TDG: variants seen among roughly 807,000 people sequenced by gnomAD.
The protein encoded by TDG is G/T mismatch-specific thymine DNA glycosylase.
Under a neutral mutation model 46.1 loss-of-function variants are expected in TDG, and 23 were observed. That is an observed-to-expected ratio of 0.50 (90% CI 0.36 to 0.71). The LOEUF is 0.71. TDG is among the 30% of genes least tolerant of loss of function. TDG has a pLI of 0.00. For missense variants in TDG, 304 were observed against 486.7 expected (o/e 0.62, Z 3.53); for synonymous variants, 115 against 161.3 (o/e 0.71, Z 2.18).
intron 1 of TDG, among the ~76,000 whole-genome samples, chr12:103,973,293 C>T (rs757418076): frequency 3.9e-5 from 6 of 152,030 alleles, no homozygotes; most frequent in African/African-American, 1.2e-4. Flanking sequence ...GCATGTTGGT[C>T]GGGCTGGTCT....
At chr12:103,981,646 A>G (rs1348783521) in intron 4 of TDG, among the ~76,000 whole-genome samples, 2 of 152,164 alleles carry the variant, frequency 1.3e-5, no homozygotes, top group Admixed American at 1.3e-4. Context: ...ACTTTCCCAG[A>G]TTTCTGGTGA....
intron 1 of TDG, chr12:103,973,075 A>G (rs1436097582): frequency 1.5e-6 from 1 of 646,232 alleles, no homozygotes; most frequent in East Asian, 2.8e-5. Flanking sequence ...GAGTAAAAAC[A>G]CGTTTCATAC....
chr12:103,978,027 A>G (rs1448680237), intron 2 of TDG, among the ~76,000 whole-genome samples: 4 of 152,106 alleles, frequency 2.6e-5, no homozygotes, highest in African/African-American at 9.7e-5. Flanking sequence ...GCACCACTGC[A>G]CTCCAGCTGG....
At chr12:103,979,736 G>A in intron 2 of TDG, 95 bp from the exon 3 acceptor site, 1 of 1,443,398 alleles carries the variant, frequency 6.9e-7, no homozygotes, top group South Asian at 1.5e-5. Context: ...GGGGAGACAG[G>A]TACAAAAGGT....
chr12:103,981,089 C>CTG (rs1235268755), intron 4 of TDG, 127 bp downstream of exon 4: 7 of 760,286 alleles, frequency 9.2e-6, no homozygotes, highest in Admixed American at 5.4e-5. Context: ...GTTTCATGTT[C>CTG]TGTGTGTGTG....
chr12:103,981,292 A>G (rs1339142224), intron 4 of TDG, among the ~76,000 whole-genome samples: 1 of 134,458 alleles, frequency 7.4e-6, no homozygotes, highest in Non-Finnish European at 1.5e-5. Context: ...CTGGAGTGCA[A>G]TGGCGCGATC....
intron 7 of TDG, 62 bp downstream of exon 7, chr12:103,983,451 C>T (rs1253983435): frequency 7.3e-6 from 9 of 1,225,830 alleles, no homozygotes; most frequent in African/African-American, 1.5e-5. Flanking sequence ...AGATAATTTC[C>T]TTATTTGTCC....
intron 5 of TDG, 38 bp from the exon 6 acceptor site, chr12:103,983,098 A>G (rs1450739728): frequency 3.2e-6 from 5 of 1,554,942 alleles, no homozygotes; most frequent in Non-Finnish European, 3.5e-6. Flanking sequence ...AAATATTGTC[A>G]TATTTATATT....
chr12:103,988,418 T>G lies in TDG; in HGVS notation c.*1328T>G, dbSNP rs1872301856. 6.5e-6 allele frequency: 1 copy of G among 152,846 alleles called. No homozygotes were observed. The highest frequency in any genetic ancestry group is 2.4e-5 in the African/African-American group (1 of 41,610). 9.5% of individuals were successfully genotyped at this position (152,846 alleles called of 1,614,324 possible). A position where few individuals can be genotyped will look rare whatever the true frequency, so the allele number is the denominator to read the frequency against. ...GCTTTTTAGCTGTGGCTATGATGGATTTTATTTTTTCCTAGGTCAAGCTGT... is the reference window on the plus strand; with the variant it reads ...GCTTTTTAGCTGTGGCTATGATGGAGTTTATTTTTTCCTAGGTCAAGCTGT... On this transcript the variant is annotated 3_prime_UTR_variant, in exon 10 of 10. Coordinates refer to ENST00000392872, the MANE Select transcript of TDG (RefSeq NM_003211.6).
intron 1 of TDG, 101 bp from the exon 2 acceptor site, chr12:103,976,817 A>C: frequency 7.0e-7 from 1 of 1,422,702 alleles, no homozygotes; most frequent in Non-Finnish European, 9.6e-7. Context: ...GTCTGGTTAC[A>C]AAATACTTAA....
At chr12:103,979,288 A>G (rs1205613793) in intron 2 of TDG, among the ~76,000 whole-genome samples, 1 of 151,536 alleles carries the variant, frequency 6.6e-6, no homozygotes, top group African/African-American at 2.4e-5. Context: ...TTTTTAGTAA[A>G]GACGGGGGTT....
In TDG at chr12:103,985,718, A is replaced by T. The variant is rs764210824; in HGVS notation, c.1080A>T (p.Ser360=). 6.2e-7 allele frequency: 1 copy of T among 1,613,142 alleles called. No individual in the cohort carries two copies. The highest frequency in any genetic ancestry group is 1.3e-5 in the African/African-American group (1 of 75,044). ...PCSSEPCGFS[S]NGLIESVELR... is the part of the protein sequence containing the mutation. ...GCAGTGAACCTTGTGGCTTCTCTTC[A>T]AATGGGCTAAGTATGGTTCCCTCCA... Residue 360 remains serine, a synonymous_variant, in exon 9 of 10, where the codon TCA becomes TCT. Transcript: ENST00000392872.
At chr12:103,974,086 T>G (rs952287026) in intron 1 of TDG, among the ~76,000 whole-genome samples, 4 of 152,200 alleles carry the variant, frequency 2.6e-5, no homozygotes, top group Admixed American at 1.3e-4. Context: ...CTTCTGTTTA[T>G]CTTGAGCTGC....
At chr12:103,985,485 G>A in intron 8 of TDG, 118 bp from the exon 9 acceptor site, 1 of 1,166,654 alleles carries the variant, frequency 8.6e-7, no homozygotes, top group Admixed American at 3.0e-5. Flanking sequence ...GATTAATAGA[G>A]ATGTATCTCA....
At chr12:103,983,086 A>T in intron 5 of TDG, 50 bp from the exon 6 acceptor site, 2 of 1,552,396 alleles carry the variant, frequency 1.3e-6, no homozygotes, top group Non-Finnish European at 1.7e-6. Context: ...TTAGCATATT[A>T]TAAATATTGT....
At chr12:103,967,519 G>A (rs4135044) in intron 1 of TDG, among the ~76,000 whole-genome samples, 44,647 of 149,054 alleles carry the variant, frequency 0.3, 7,808 homozygotes, top group Non-Finnish European at 0.38. Context: ...GTGCAGTGGC[G>A]GATCTTGGCT....
intron 1 of TDG, among the ~76,000 whole-genome samples, chr12:103,969,936 T>C (rs755346962): frequency 3.3e-5 from 5 of 152,238 alleles, no homozygotes; most frequent in Non-Finnish European, 5.9e-5. Context: ...TGAGGAATAC[T>C]GTATGAGGAC....
chr12:103,979,109 C>CT lies in TDG; in HGVS notation c.167-710dup, dbSNP rs372883902. On this transcript the variant is annotated intron_variant, in intron 2 of 9. Transcript: ENST00000392872. ...GCCATTGTGTTTTTCTTTTTTCTTT[C>CT]TTTTTTTTTTTTGGACAGAGTCTTG... is the stretch of plus-strand genomic sequence containing the variant. 7.5e-4 allele frequency among the ~76,000 whole-genome samples: 93 copies of CT among 123,578 alleles called. 1 individual carries two copies. The highest frequency in any genetic ancestry group is 9.9e-4 in the Non-Finnish European group (61 of 61,860). 81.1% of individuals were successfully genotyped at this position (123,578 alleles called of 152,430 possible).
In TDG at chr12:103,988,231, TCA is replaced by T. The variant is rs1243984014; in HGVS notation, c.*1142_*1143del. On this transcript the variant is annotated 3_prime_UTR_variant, in exon 10 of 10. Transcript: ENST00000392872. Reference sequence around the variant, plus strand: ...ACTAAGAAATGTTATTTGCATCCTCTCAGTTACTCCTGAATATTCTGATTTCA... The same window carrying T: ...ACTAAGAAATGTTATTTGCATCCTCTGTTACTCCTGAATATTCTGATTTCA... 1.3e-5 allele frequency: 2 copies of T among 152,316 alleles called. No homozygotes were observed. Among genetic ancestry groups the T allele is most frequent in the African/African-American group, 4.8e-5 (2 of 41,476 alleles). The allele number at this position is 152,316 out of a possible 1,614,324, so 9.4% of individuals were successfully genotyped here. A position where few individuals can be genotyped will look rare whatever the true frequency, so the allele number is the denominator to read the frequency against.
Sources: gnomAD v4.1 joint callset for allele counts (sites outside exome capture counted in the v4.1 genomes callset) on GRCh38, gnomAD v4.1.1 for gene constraint, MANE v1.5 for transcripts, NCBI Gene and HGNC (gene_info 2026-07-23, HGNC 2026-07-21) for gene names.